GBP6: variants seen among roughly 807,000 people sequenced by gnomAD.
GBP6 encodes the protein guanylate-binding protein 6.
Under a neutral mutation model 61.5 loss-of-function variants are expected in GBP6, and 54 were observed. That is an observed-to-expected ratio of 0.88 (90% CI 0.71 to 1.10). GBP6 has a LOEUF of 1.10. Among genes scored for constraint, GBP6 ranks in the 50% least tolerant of loss-of-function variants. The pLI, the probability that GBP6 is intolerant of heterozygous loss-of-function variation, is 0.00. For missense variants in GBP6, 748 were observed against 752.8 expected (o/e 0.99, Z 0.07); for synonymous variants, 255 against 273.7 (o/e 0.93, Z 0.67).
intron 10 of GBP6, 33 bp downstream of exon 10, chr1:89,384,319 G>C (rs778816362): frequency 3.2e-6 from 5 of 1,550,824 alleles, no homozygotes; most frequent in Non-Finnish European, 3.5e-6. Context: ...CAGGCCAGAC[G>C]GTCCTCACCC....
rs2100673089 is a variant in GBP6 at position 89,381,858 on chromosome 1, A to G, written c.1036A>G (p.Thr346Ala). The G allele has an allele frequency of 1.2e-6, 2 of 1,614,102 alleles. No homozygotes were observed. Among genetic ancestry groups the G allele is most frequent in the East Asian group, 4.5e-5 (2 of 44,876 alleles). ...GATGGCCCAGCGAGTGAAGCTCCCC[A>G]CAGACACGCTCCAGGAGCTGCTGGA... ...QQMAQRVKLP[T>A]DTLQELLDMH... The change falls in exon 7 of 11, where the codon ACA (threonine) becomes GCA (alanine). Residue 346 changes from threonine (T) to alanine (A), a missense_variant. Coordinates refer to ENST00000370456, the MANE Select transcript of GBP6 (RefSeq NM_198460.3).
chr1:89,365,077 T>C (rs769767864), intron 1 of GBP6, among the ~76,000 whole-genome samples: 8 of 151,818 alleles, frequency 5.3e-5, no homozygotes, highest in Non-Finnish European at 1.2e-4. Context: ...CACGCAGTTT[T>C]TGGTTTTCTG....
At chr1:89,371,152 T>C (rs1221966984) in intron 3 of GBP6, among the ~76,000 whole-genome samples, 1 of 152,230 alleles carries the variant, frequency 6.6e-6, no homozygotes, top group Non-Finnish European at 1.5e-5. Flanking sequence ...TGTTCATCTA[T>C]GTTGTTGCAA....
At chr1:89,384,370 A>G (rs904079208) in intron 10 of GBP6, 84 bp downstream of exon 10, 46 of 1,079,828 alleles carry the variant, frequency 4.3e-5, no homozygotes, top group Non-Finnish European at 5.6e-5. Context: ...CAGCAACATC[A>G]TGAAAGGAAG....
rs1653070408 is a variant in GBP6, at chr1:89,384,195, A to G, written c.1571A>G (p.Lys524Arg). The G allele has an allele frequency of 6.2e-7, 1 of 1,614,070 alleles. No homozygotes were observed. Among genetic ancestry groups the G allele is most frequent in the Non-Finnish European group, 8.5e-7 (1 of 1,179,918 alleles). ...ATGGAGGCTCAAGATAAGAGTCGCA[A>G]GGAAAACATAGCCCAACTGAAGGAG... Reference protein sequence around the residue: ...QQMEAQDKSRKENIAQLKEKL... With the variant: ...QQMEAQDKSRRENIAQLKEKL... Residue 524 changes from lysine to arginine, a missense_variant, in exon 10 of 11, where the codon AAG becomes AGG. Coordinates refer to ENST00000370456, the MANE Select transcript of GBP6 (RefSeq NM_198460.3).
At chr1:89,384,033 A>C in intron 9 of GBP6, 60 bp from the exon 10 acceptor site, 1 of 1,469,820 alleles carries the variant, frequency 6.8e-7, no homozygotes, top group Non-Finnish European at 9.1e-7. Flanking sequence ...TCAGCTCAGA[A>C]AAGTGGAGAT....
At chr1:89,367,524 G>A (rs76424206) in intron 1 of GBP6, among the ~76,000 whole-genome samples, 2,130 of 152,126 alleles carry the variant, frequency 0.014, 47 homozygotes, top group African/African-American at 0.049. Context: ...GGCTATTGTT[G>A]CTATTGAGTT....
intron 3 of GBP6, among the ~76,000 whole-genome samples, chr1:89,373,210 G>A (rs552840864): frequency 1.2e-3 from 188 of 152,326 alleles, no homozygotes; most frequent in African/African-American, 4.4e-3. Context: ...CTTTTACACT[G>A]TTGGTGGGAC....
In GBP6 at chr1:89,369,487, C is replaced by T; in HGVS notation, c.191-59C>T. 4.4e-6 allele frequency: 7 copies of T among 1,573,966 alleles called. No homozygotes were observed. In the South Asian group the frequency reaches 7.1e-5, roughly 16 times the overall value. On this transcript the variant is annotated intron_variant, in intron 2 of 10. Coordinates refer to ENST00000370456, the MANE Select transcript of GBP6 (RefSeq NM_198460.3). Reference sequence around the variant, plus strand: ...AATCCAACCAGTCTGATGCTGTGGCCCCAGGGCGGCTTGGCTGCTCTGCTG... The same window carrying T: ...AATCCAACCAGTCTGATGCTGTGGCTCCAGGGCGGCTTGGCTGCTCTGCTG...
rs774810506 is a variant in GBP6, at chr1:89,385,349, A to G, written c.1782A>G (p.Ala594=). The change falls in exon 11 of 11, where the codon GCA becomes GCG. Residue 594 remains alanine, a synonymous_variant. Transcript: ENST00000370456. ...TTKNDDTPWI[A]RTLDNLADEL... Reference sequence around the variant, plus strand: ...AAAATGATGATACTCCCTGGATTGCACGAACCTTGGACAACCTTGCCGATG... The same window carrying G: ...AAAATGATGATACTCCCTGGATTGCGCGAACCTTGGACAACCTTGCCGATG... 7 of 1,614,202 alleles carry G rather than the reference A, an allele frequency of 4.3e-6. No homozygotes were observed. The highest frequency in any genetic ancestry group is 5.9e-6 in the Non-Finnish European group (7 of 1,180,020).
chr1:89,385,230 G>A lies in GBP6; in HGVS notation c.1663G>A (p.Val555Ile), dbSNP rs769988813. 3.7e-6 allele frequency: 6 copies of A among 1,612,272 alleles called. No individual in the cohort carries two copies. The highest frequency in any genetic ancestry group is 5.1e-6 in the Non-Finnish European group (6 of 1,178,672). ...QIMMLEHTQKVQNDWLHEGFK... is the reference protein window; with the variant it reads ...QIMMLEHTQKIQNDWLHEGFK... ...ACTTTCCTTCCTACATTGTCTTTAG[G>A]TCCAAAATGATTGGCTTCATGAAGG... Residue 555 changes from valine to isoleucine, a missense_variant and splice_region_variant, in exon 11 of 11, where the codon GTC becomes ATC. Transcript: ENST00000370456.
intron 1 of GBP6, among the ~76,000 whole-genome samples, chr1:89,364,834 A>T (rs1309148058): frequency 3.3e-5 from 5 of 151,746 alleles, no homozygotes; most frequent in African/African-American, 1.2e-4. Context: ...AAAATAAAAA[A>T]GATTTTTTTA....
chr1:89,378,617 T>C lies in GBP6; in HGVS notation c.625+4T>C. The C allele has an allele frequency of 6.2e-7, 1 of 1,609,742 alleles. No homozygotes were observed. Among genetic ancestry groups the C allele is most frequent in the Non-Finnish European group, 8.5e-7 (1 of 1,176,728 alleles). On this transcript the variant is annotated splice_donor_region_variant and intron_variant, in intron 5 of 10. Transcript: ENST00000370456. ...AATGCCTTGAAGCTGATTCAAGGTA[T>C]CAGAATGTGGCCTGGGCTGTGGGTG...
At chr1:89,382,039 T>G (rs1652996206) in intron 7 of GBP6, 65 bp downstream of exon 7, 1 of 1,464,632 alleles carries the variant, frequency 6.8e-7, no homozygotes, top group Non-Finnish European at 9.3e-7. Flanking sequence ...TATAGTTGCC[T>G]TTATTGTCAC....
In GBP6 at chr1:89,387,459, G is replaced by T. The variant is rs1225803675; in HGVS notation, c.*1990G>T. On this transcript the variant is annotated 3_prime_UTR_variant, in exon 11 of 11. Transcript: ENST00000370456. ...TTGAAGACAGATACCTTATTTTTCT[G>T]TACATCTCCTTGGGAGTATGTTCAG... Among the ~76,000 whole-genome samples, 1 of 152,192 alleles carries T rather than the reference G, an allele frequency of 6.6e-6. No homozygotes were observed. Among genetic ancestry groups the T allele is most frequent in the African/African-American group, 2.4e-5 (1 of 41,454 alleles).
At position 89,368,638 on chromosome 1, in the gene GBP6, G is replaced by T. The variant is rs1652530040; in HGVS notation, c.87G>T (p.Gln29His). ...EQLLVNQQAI[Q>H]ILEKISQPVV... is the part of the protein sequence containing the mutation. The stretch of plus-strand genomic sequence containing the variant: ...TATTGGTGAACCAGCAAGCTATACA[G>T]ATTCTTGAAAAGATTTCTCAGCCAG... Residue 29 changes from glutamine to histidine, a missense_variant, in exon 2 of 11, where the codon CAG becomes CAT. By Grantham distance (24) the Gln-to-His change is conservative. Transcript: ENST00000370456. The T allele has an allele frequency of 6.2e-7, 1 of 1,614,190 alleles. No homozygotes were observed. The highest frequency in any genetic ancestry group is 8.5e-7 in the Non-Finnish European group (1 of 1,180,018).
At chr1:89,371,072 C>G (rs2100660220) in intron 3 of GBP6, among the ~76,000 whole-genome samples, 1 of 152,316 alleles carries the variant, frequency 6.6e-6, no homozygotes, top group Admixed American at 6.5e-5. Flanking sequence ...TTAGATTCCA[C>G]AAATAGGTGA....
Position 89,385,440 on chromosome 1 carries a change from C to T in GBP6, c.1873C>T (p.Leu625Phe), listed in dbSNP as rs768962709. Residue 625 changes from leucine to phenylalanine, a missense_variant, in exon 11 of 11, where the codon CTC becomes TTC. By Grantham distance (22) the Leu-to-Phe change is conservative. Transcript: ENST00000370456. ...TCATGGTGTCAAAGGTGTGAGCTCA[C>T]TCTTTAAAAAGCATAAGCTCCCCTT... is the stretch of plus-strand genomic sequence containing the variant. ...IGHGVKGVSS[L>F]FKKHKLPF 6.2e-7 allele frequency: 1 copy of T among 1,613,888 alleles called. No homozygotes were observed. Among genetic ancestry groups the T allele is most frequent in the Non-Finnish European group, 8.5e-7 (1 of 1,179,900 alleles).
chr1:89,379,572 T>C (rs1652903782), intron 5 of GBP6, among the ~76,000 whole-genome samples: 1 of 152,226 alleles, frequency 6.6e-6, no homozygotes, highest in Non-Finnish European at 1.5e-5. Context: ...GGAATATTCA[T>C]TTTACTTTCT....
Sources: allele counts gnomAD v4.1 joint callset (sites outside exome capture counted in the v4.1 genomes callset), GRCh38; gene constraint gnomAD v4.1.1; transcripts MANE v1.5; gene names NCBI Gene and HGNC (gene_info 2026-07-23, HGNC 2026-07-21).